The following SYNE2 variants were observed in gnomAD, a reference collection of about 807,000 sequenced individuals.
SYNE2 encodes nesprin-2.
A neutral mutation model predicts 856.3 loss-of-function variants in SYNE2; 431 were observed. The ratio of observed to expected loss-of-function variants is 0.50; its 90% CI spans 0.47 to 0.55. SYNE2 has a LOEUF of 0.55. SYNE2 is among the 20% of genes least tolerant of loss of function. The probability of loss-of-function intolerance (pLI) is 0.00; values close to 1 mark genes in which losing one functional copy is unlikely to be tolerated. For synonymous variants in SYNE2, 2,923 were observed against 2,872.3 expected (o/e 1.02, Z -0.56); for missense variants, 8,129 against 8,023.2 (o/e 1.01, Z -0.50).
At chr14:63,879,472 C>T (rs4459477) in intron 1 of SYNE2, among the ~76,000 whole-genome samples, 21,044 of 152,142 alleles carry the variant, frequency 0.14, 1,609 homozygotes, top group African/African-American at 0.21. Flanking sequence ...GAATTCTGAC[C>T]GTTACCATAA....
intron 1 of SYNE2, among the ~76,000 whole-genome samples, chr14:63,883,775 A>T (rs2094919429): frequency 6.6e-6 from 1 of 152,190 alleles, no homozygotes; most frequent in Non-Finnish European, 1.5e-5. Context: ...ATTTGGGAAA[A>T]ATTGTTCCAG....
intron 45 of SYNE2, among the ~76,000 whole-genome samples, chr14:64,036,096 C>T (rs2153554238): frequency 6.6e-6 from 1 of 152,090 alleles, no homozygotes; most frequent in South Asian, 2.1e-4. Context: ...GGCTAACGTG[C>T]TGACTGACCT....
rs1198821963 is a variant in SYNE2, at chr14:64,225,845, A to C, written c.*319A>C. On this transcript the variant is annotated 3_prime_UTR_variant, in exon 116 of 116. Coordinates refer to ENST00000555002, the MANE Select transcript of SYNE2 (RefSeq NM_182914.3). ...AATTCTGGTTTGTTTGTAAAACAGC[A>C]TTATTATAATGTAGGTATGGTCAAT... 1.7e-6 allele frequency: 1 copy of C among 581,952 alleles called. No homozygotes were observed. Among genetic ancestry groups the C allele is most frequent in the Admixed American group, 3.0e-5 (1 of 33,406 alleles). The allele number at this position is 581,952 out of a possible 1,614,324, so 36.0% of individuals were successfully genotyped here. A position where few individuals can be genotyped will look rare whatever the true frequency, so the allele number is the denominator to read the frequency against.
At chr14:63,842,435 G>A (rs980359139) in intron 1 of SYNE2, among the ~76,000 whole-genome samples, 13 of 146,094 alleles carry the variant, frequency 8.9e-5, no homozygotes, top group South Asian at 6.7e-4. Flanking sequence ...TACAGCACTC[G>A]GCCCTTTTGC....
chr14:64,182,626 C>G, intron 96 of SYNE2, among the ~76,000 whole-genome samples: 1 of 152,142 alleles, frequency 6.6e-6, no homozygotes, highest in African/African-American at 2.4e-5. Flanking sequence ...ATCTGTTTAA[C>G]AAAGCACATC....
Position 64,070,713 on chromosome 14 carries a change from G to C in SYNE2, c.10500G>C (p.Glu3500Asp). The C allele has an allele frequency of 6.2e-7, 1 of 1,614,084 alleles. No homozygotes were observed. Among genetic ancestry groups the C allele is most frequent in the Non-Finnish European group, 8.5e-7 (1 of 1,180,002 alleles). Residue 3500 changes from glutamate (E) to aspartate (D), a missense_variant, in exon 52 of 116, where the codon GAG (glutamate) becomes GAC (aspartate). Coordinates refer to ENST00000555002, the MANE Select transcript of SYNE2 (RefSeq NM_182914.3). ...EELPEISKTK[E>D]AATTEELSEL... ...TCCCTGAAATTTCCAAAACAAAAGA[G>C]GCAGCCACCACAGAGGAACTCTCTG...
At position 63,962,985 on chromosome 14, in the gene SYNE2, G is replaced by A. The variant is rs535481413; in HGVS notation, c.889-914G>A. Among the ~76,000 whole-genome samples the A allele has an allele frequency of 2.6e-5, 4 of 152,344 alleles. No homozygotes were observed. The East Asian group carries it at 7.7e-4, about 29-fold the overall frequency. ...TCTGCTTCTAAGATGATAAATGAGTGCTGTGAATTTAGCAAAATGTTCGAT... is the reference window on the plus strand; with the variant it reads ...TCTGCTTCTAAGATGATAAATGAGTACTGTGAATTTAGCAAAATGTTCGAT... On this transcript the variant is annotated intron_variant, in intron 9 of 115. Coordinates refer to ENST00000555002, the MANE Select transcript of SYNE2 (RefSeq NM_182914.3).
intron 99 of SYNE2, among the ~76,000 whole-genome samples, chr14:64,195,720 A>G (rs2098537971): frequency 6.6e-6 from 1 of 152,202 alleles, no homozygotes; most frequent in Admixed American, 6.5e-5. Context: ...TTAAACTGAT[A>G]AAGCTTTTCA....
At chr14:63,861,830 TAAAAC>T (rs1278041019) in intron 1 of SYNE2, among the ~76,000 whole-genome samples, 1 of 152,162 alleles carries the variant, frequency 6.6e-6, no homozygotes, top group Non-Finnish European at 1.5e-5. Context: ...AGTGAGCACA[TAAAAC>T]AAATTCAAAA....
intron 99 of SYNE2, among the ~76,000 whole-genome samples, chr14:64,197,831 T>C (rs1230286467): frequency 6.6e-6 from 1 of 152,238 alleles, no homozygotes; most frequent in African/African-American, 2.4e-5. Flanking sequence ...GAGAGCAGTG[T>C]TCATCAATGT....
chr14:64,174,100 G>A (rs1252966561), intron 94 of SYNE2: 15 of 442,624 alleles, frequency 3.4e-5, no homozygotes, highest in Non-Finnish European at 4.3e-5. Flanking sequence ...GAGACAAAGC[G>A]TCACTCTGTC....
intron 50 of SYNE2, among the ~76,000 whole-genome samples, chr14:64,064,321 C>T (rs1310279757): frequency 6.6e-6 from 1 of 152,142 alleles, no homozygotes. Context: ...AGGGAAGATT[C>T]GTATCCCAGG....
chr14:64,076,328 TTCTTC>T (rs1464800180), intron 54 of SYNE2, among the ~76,000 whole-genome samples: 1 of 152,200 alleles, frequency 6.6e-6, no homozygotes, highest in African/African-American at 2.4e-5. Context: ...AAAATGCTTA[TTCTTC>T]TCTTGCATTT....
chr14:64,003,415 A>T (rs1239945726), intron 30 of SYNE2, 85 bp downstream of exon 30: 1 of 1,539,694 alleles, frequency 6.5e-7, no homozygotes, highest in Admixed American at 1.7e-5. Context: ...AATTCTTCCT[A>T]TGTCTTTCTG....
At chr14:63,815,227 TCC>T (rs1339644750) in intron 1 of SYNE2, among the ~76,000 whole-genome samples, 12 of 127,068 alleles carry the variant, frequency 9.4e-5, no homozygotes, top group African/African-American at 1.2e-4. Context: ...CATATATATA[TCC>T]ATATATATAT....
At chr14:64,113,663 T>C (rs1396431027) in intron 66 of SYNE2, 92 bp downstream of exon 66, 1 of 1,329,282 alleles carries the variant, frequency 7.5e-7, no homozygotes, top group Non-Finnish European at 1.0e-6. Context: ...ACTGTTTTTC[T>C]TTCTGTTACT....
chr14:64,219,061 A>G (rs2140340285), intron 109 of SYNE2, 147 bp from the exon 110 acceptor site: 2 of 747,980 alleles, frequency 2.7e-6, no homozygotes, highest in Non-Finnish European at 4.3e-6. Context: ...GAGAACTCCC[A>G]AAACCAGACC....
At position 63,803,145 on chromosome 14, in the gene SYNE2, C is replaced by A. The variant is rs112929435; in HGVS notation, c.-305+41159C>A. Among the ~76,000 whole-genome samples, 137 of 152,254 alleles carry A rather than the reference C, an allele frequency of 9.0e-4. 1 individual carries two copies. The highest frequency in any genetic ancestry group is 3.0e-3 in the African/African-American group (126 of 41,550). On this transcript the variant is annotated intron_variant, in intron 1 of 23. Transcript: ENST00000674003. ...CTGATTGGTGCGTTTACAATCCCTG[C>A]GCTAGATACTAAGGTTCTCCACCTC...
In SYNE2 at chr14:64,049,806, T is replaced by A. The variant is rs202017993; in HGVS notation, c.7573T>A (p.Phe2525Ile). 2.5e-5 allele frequency: 41 copies of A among 1,614,006 alleles called. No homozygotes were observed. Among genetic ancestry groups the A allele is most frequent in the Admixed American group, 8.3e-5 (5 of 59,992 alleles). The change falls in exon 47 of 116, where the codon TTT becomes ATT. Residue 2525 changes from phenylalanine (F) to isoleucine (I), a missense_variant. Transcript: ENST00000555002. The part of the protein sequence containing the change: ...KESQYCVLRD[F>I]QEYLAAVESS... ...AAGCCAATATTGTGTCCTCAGAGAT[T>A]TTCAGGAATACCTTGCTGCAGTTGA...
Sources: allele counts gnomAD v4.1 joint callset (sites outside exome capture counted in the v4.1 genomes callset), GRCh38; gene constraint gnomAD v4.1.1; transcripts MANE v1.5; gene names NCBI Gene and HGNC (gene_info 2026-07-23, HGNC 2026-07-21).